CHCHD10: variants seen among roughly 807,000 people sequenced by gnomAD.
The protein encoded by CHCHD10 is coiled-coil-helix-coiled-coil-helix domain containing 10, also known as coiled-coil-helix-coiled-coil-helix domain-containing protein 10, mitochondrial.
A neutral mutation model predicts 14.8 loss-of-function variants in CHCHD10; 10 were observed. That is an observed-to-expected ratio of 0.67 (90% CI 0.42 to 1.14). CHCHD10 has a LOEUF of 1.14. Among genes scored for constraint, CHCHD10 ranks in the 50% most tolerant of loss-of-function variants. The probability of loss-of-function intolerance (pLI) is 0.00; values close to 1 mark genes in which losing one functional copy is unlikely to be tolerated. For synonymous variants in CHCHD10, 90 were observed against 85.2 expected (o/e 1.06, Z -0.31); for missense variants, 203 against 196.9 (o/e 1.03, Z -0.19).
rs918789560 is a variant in CHCHD10 at position 23,767,651 on chromosome 22, C to T, written c.42-58G>A. 59 of 883,798 alleles carry T rather than the reference C, an allele frequency of 6.7e-5. No individual in the cohort carries two copies. The African/African-American group carries it at 9.1e-4, about 14-fold the overall frequency. The allele number at this position is 883,798 out of a possible 1,614,324, so 54.7% of individuals were successfully genotyped here. The stretch of plus-strand genomic sequence containing the variant: ...GGCCAGACCCCAGGCTGGAGGGCTG[C>T]AGCTCCTGGAAACGACCCCCGGAGA... On this transcript the variant is annotated intron_variant, in intron 1 of 3. Coordinates refer to ENST00000484558, the MANE Select transcript of CHCHD10 (RefSeq NM_213720.3).
rs752472094 is a variant in CHCHD10, at chr22:23,767,526, C to A, written c.109G>T (p.Ala37Ser). 3.4e-6 allele frequency: 4 copies of A among 1,186,206 alleles called. No individual in the cohort carries two copies. The highest frequency in any genetic ancestry group is 1.3e-5 in the South Asian group (1 of 74,416). The allele number at this position is 1,186,206 out of a possible 1,614,324, so 73.5% of individuals were successfully genotyped here. A position where few individuals can be genotyped will look rare whatever the true frequency, so the allele number is the denominator to read the frequency against. The change falls in exon 2 of 4, where the codon GCC becomes TCC. Residue 37 changes from alanine to serine, a missense_variant. Physicochemically the swap from Ala to Ser is moderately conservative, Grantham distance 99. Transcript: ENST00000484558. ...ATGAGCCCCGGCTGGCCCGAAGGGG[C>A]GGGGGCTGGGGCGGCTGCCGAGGGC... ...PPPSAAAPAP[A>S]PSGQPGLMAQ...
In CHCHD10 at chr22:23,767,603, T is replaced by G. The variant is rs779478955; in HGVS notation, c.42-10A>C. On this transcript the variant is annotated splice_polypyrimidine_tract_variant and intron_variant, in intron 1 of 3. Transcript: ENST00000484558. Reference sequence around the variant, plus strand: ...GGGCGCGGCTGGGCGGCTGCGGGGGTGGGAGGAAGCAGGGTTAATCCTGGC... The same window carrying G: ...GGGCGCGGCTGGGCGGCTGCGGGGGGGGGAGGAAGCAGGGTTAATCCTGGC... 6 of 999,802 alleles carry G rather than the reference T, an allele frequency of 6.0e-6. No individual in the cohort carries two copies. Among genetic ancestry groups the G allele is most frequent in the African/African-American group, 1.7e-5 (1 of 57,594 alleles). The allele number at this position is 999,802 out of a possible 1,614,324, so 61.9% of individuals were successfully genotyped here.
At position 23,767,464 on chromosome 22, in the gene CHCHD10, C is replaced by T. The variant is rs780298646; in HGVS notation, c.171G>A (p.Val57=). ...CCATGACGTGTCCCACAGCCGAGCC[C>T]ACGGCTACCCCTGCGGCCGTGGTCG... ...QMATTAAGVA[V]GSAVGHVMGS... Residue 57 remains valine (V), a synonymous_variant, in exon 2 of 4, where the codon GTG becomes GTA. Coordinates refer to ENST00000484558, the MANE Select transcript of CHCHD10 (RefSeq NM_213720.3). The T allele has an allele frequency of 1.4e-4, 224 of 1,596,260 alleles. No homozygotes were observed. Among genetic ancestry groups the T allele is most frequent in the Non-Finnish European group, 1.8e-4 (215 of 1,173,234 alleles).
In CHCHD10 at chr22:23,765,935, G is replaced by C; in HGVS notation, c.*72C>G. 3 of 1,607,150 alleles carry C rather than the reference G, an allele frequency of 1.9e-6. No individual in the cohort carries two copies. The highest frequency in any genetic ancestry group is 2.6e-6 in the Non-Finnish European group (3 of 1,174,828). Reference sequence around the variant, plus strand: ...ATCCCAGCTATCTGGGTACAATCTGGTGTTGTGGTCTGGCTGTCGGCGAGG... The same window carrying C: ...ATCCCAGCTATCTGGGTACAATCTGCTGTTGTGGTCTGGCTGTCGGCGAGG... On this transcript the variant is annotated 3_prime_UTR_variant, in exon 4 of 4. Transcript: ENST00000484558.
In CHCHD10 at chr22:23,767,952, G is replaced by C. The variant is rs935893901; in HGVS notation, c.-78C>G. 5.6e-6 allele frequency: 7 copies of C among 1,252,336 alleles called. No homozygotes were observed. The African/African-American group carries it at 7.9e-5, about 14-fold the overall frequency. The allele number at this position is 1,252,336 out of a possible 1,614,324, so 77.6% of individuals were successfully genotyped here. On this transcript the variant is annotated 5_prime_UTR_variant, in exon 1 of 4. Coordinates refer to ENST00000484558, the MANE Select transcript of CHCHD10 (RefSeq NM_213720.3). ...CGCGGGGACAAATGCCGCAGCGCTT[G>C]TCACAGCCGGCGCAAAAAAGGCGGG...
In CHCHD10 at chr22:23,766,116, CCACT is replaced by C. The variant is rs1569149437; in HGVS notation, c.409+8_409+11del. ...TCCCCCTCCCCGCCTGAGTCGGGGT[CCACT>C]CACTCACCATGGTAGTACTTGCACT... is the stretch of plus-strand genomic sequence containing the variant. On this transcript the variant is annotated splice_region_variant and intron_variant, in intron 3 of 3. Transcript: ENST00000484558. 1 of 1,613,520 alleles carries C rather than the reference CCACT, an allele frequency of 6.2e-7. No individual in the cohort carries two copies. The highest frequency in any genetic ancestry group is 2.2e-5 in the East Asian group (1 of 44,848).
At position 23,767,275 on chromosome 22, in the gene CHCHD10, T is replaced by C. The variant is rs131443; in HGVS notation, c.261+99A>G. 479,283 of 1,000,944 alleles carry C rather than the reference T, an allele frequency of 0.48. 120,795 individuals are homozygous for C. The highest frequency in any genetic ancestry group is 0.54 in the Admixed American group (26,940 of 49,510). 62.0% of individuals were successfully genotyped at this position (1,000,944 alleles called of 1,614,324 possible). A position where few individuals can be genotyped will look rare whatever the true frequency, so the allele number is the denominator to read the frequency against. ...CGGGCAGAGTCCTGGGCTGAAGCAA[T>C]GGTGAATACACGCGGACACTCCTCA... On this transcript the variant is annotated intron_variant, in intron 2 of 3. Transcript: ENST00000484558.
rs1171881128 is a variant in CHCHD10 at position 23,765,968 on chromosome 22, G to C, written c.*39C>G. 4.3e-6 allele frequency: 7 copies of C among 1,612,930 alleles called. No homozygotes were observed. The highest frequency in any genetic ancestry group is 5.9e-6 in the Non-Finnish European group (7 of 1,179,760). ...GTCTGGCTGTCGGCGAGGGGTAGAG[G>C]TGGGTGCAGGACTGGCCCCCGAGTC... On this transcript the variant is annotated 3_prime_UTR_variant, in exon 4 of 4. Coordinates refer to ENST00000484558, the MANE Select transcript of CHCHD10 (RefSeq NM_213720.3).
chr22:23,765,863 A>G lies in CHCHD10; in HGVS notation c.*144T>C. On this transcript the variant is annotated 3_prime_UTR_variant, in exon 4 of 4. Coordinates refer to ENST00000484558, the MANE Select transcript of CHCHD10 (RefSeq NM_213720.3). ...GTCTAAAATAAACTTTTAATTGCAC[A>G]TTTGTGTCTTGGGTTATCTGTGGGG... is the stretch of plus-strand genomic sequence containing the variant. 1 of 1,541,708 alleles carries G rather than the reference A, an allele frequency of 6.5e-7. No homozygotes were observed. Among genetic ancestry groups the G allele is most frequent in the Non-Finnish European group, 8.8e-7 (1 of 1,130,416 alleles).
chr22:23,767,707 G>C, intron 1 of CHCHD10, 114 bp from the exon 2 acceptor site: 6 of 932,280 alleles, frequency 6.4e-6, no homozygotes, highest in Non-Finnish European at 9.6e-6. Context: ...ACACGTGGGT[G>C]CTGCACCCCC....
At chr22:23,767,277 G>T in intron 2 of CHCHD10, 97 bp downstream of exon 2, 1 of 1,034,858 alleles carries the variant, frequency 9.7e-7, no homozygotes, top group Non-Finnish European at 1.5e-6. Flanking sequence ...TGAAGCAATG[G>T]TGAATACACG....
Position 23,766,206 on chromosome 22 carries a change from C to T in CHCHD10, c.331G>A (p.Asp111Asn), listed in dbSNP as rs1198199679. ...AGGTCACTCTGAGTGGTGGAACAGT[C>T]CAGGAACTGCCTGATCTCGTAGGCG... ...PCAYEIRQFL[D>N]CSTTQSDLSL... The change falls in exon 3 of 4, where the codon GAC (aspartate) becomes AAC (asparagine). Residue 111 changes from aspartate (D) to asparagine (N), a missense_variant. Transcript: ENST00000484558. The T allele has an allele frequency of 6.2e-7, 1 of 1,609,544 alleles. No homozygotes were observed. Among genetic ancestry groups the T allele is most frequent in the Admixed American group, 1.7e-5 (1 of 59,478 alleles).
At position 23,767,910 on chromosome 22, in the gene CHCHD10, G is replaced by C; in HGVS notation, c.-36C>G. ...GTGGGACCCGGGCGACCTTAGAGAC[G>C]GCGGCAGCGGTGCTGTCGCGGGGAC... On this transcript the variant is annotated 5_prime_UTR_variant, in exon 1 of 4. Transcript: ENST00000484558. 1 of 1,463,958 alleles carries C rather than the reference G, an allele frequency of 6.8e-7. No homozygotes were observed. The highest frequency in any genetic ancestry group is 9.1e-7 in the Non-Finnish European group (1 of 1,104,316). 90.7% of individuals were successfully genotyped at this position (1,463,958 alleles called of 1,614,324 possible).
chr22:23,767,882 G>A lies in CHCHD10; in HGVS notation c.-8C>T. 2.6e-6 allele frequency: 4 copies of A among 1,509,810 alleles called. No homozygotes were observed. The highest frequency in any genetic ancestry group is 1.2e-5 in the South Asian group (1 of 80,602). The allele number at this position is 1,509,810 out of a possible 1,614,324, so 93.5% of individuals were successfully genotyped here. ...GCGGCTTCCCCGAGGCATGGTGGCG[G>A]CGGTGGGACCCGGGCGACCTTAGAG... On this transcript the variant is annotated 5_prime_UTR_variant, in exon 1 of 4. Transcript: ENST00000484558.
Position 23,765,986 on chromosome 22 carries a change from C to G in CHCHD10, c.*21G>C. On this transcript the variant is annotated 3_prime_UTR_variant, in exon 4 of 4. Transcript: ENST00000484558. ...GGTAGAGGTGGGTGCAGGACTGGCCCCCGAGTCTGCACCGACCTCTTCAGG... is the reference window on the plus strand; with the variant it reads ...GGTAGAGGTGGGTGCAGGACTGGCCGCCGAGTCTGCACCGACCTCTTCAGG... 6.2e-7 allele frequency: 1 copy of G among 1,613,200 alleles called. No homozygotes were observed. The highest frequency in any genetic ancestry group is 1.7e-4 in the Middle Eastern group (1 of 5,740).
chr22:23,766,984 C>A (rs1348816368), intron 2 of CHCHD10, among the ~76,000 whole-genome samples: 1 of 152,224 alleles, frequency 6.6e-6, no homozygotes, highest in Non-Finnish European at 1.5e-5. Context: ...GGAAGTGGCT[C>A]CCCTTCGCCC....
chr22:23,766,091 T>C (rs769839153), intron 3 of CHCHD10, 37 bp downstream of exon 3: 81 of 1,612,724 alleles, frequency 5.0e-5, no homozygotes, highest in Middle Eastern at 1.6e-4. Flanking sequence ...GGTTGGCCTC[T>C]CCCCCTCCCC....
chr22:23,767,532 C>T lies in CHCHD10; in HGVS notation c.103G>A (p.Ala35Thr), dbSNP rs762943183. Reference protein sequence around the residue: ...AHPPPSAAAPAPAPSGQPGLM... With the variant: ...AHPPPSAAAPTPAPSGQPGLM... The stretch of plus-strand genomic sequence containing the variant: ...CCCGGCTGGCCCGAAGGGGCGGGGG[C>T]TGGGGCGGCTGCCGAGGGCGGTGGG... The change falls in exon 2 of 4, where the codon GCC becomes ACC. Residue 35 changes from alanine to threonine, a missense_variant. Transcript: ENST00000484558. 20 of 1,369,336 alleles carry T rather than the reference C, an allele frequency of 1.5e-5. No individual in the cohort carries two copies. The highest frequency in any genetic ancestry group is 1.8e-5 in the Non-Finnish European group (19 of 1,053,948). The allele number at this position is 1,369,336 out of a possible 1,614,324, so 84.8% of individuals were successfully genotyped here.
At position 23,767,494 on chromosome 22, in the gene CHCHD10, C is replaced by G; in HGVS notation, c.141G>C (p.Gln47His). ...CTACCCCTGCGGCCGTGGTCGCCATCTGAGCCATGAGCCCCGGCTGGCCCG... is the reference window on the plus strand; with the variant it reads ...CTACCCCTGCGGCCGTGGTCGCCATGTGAGCCATGAGCCCCGGCTGGCCCG... Reference protein sequence around the residue: ...APSGQPGLMAQMATTAAGVAV... With the variant: ...APSGQPGLMAHMATTAAGVAV... The change falls in exon 2 of 4, where the codon CAG becomes CAC. Residue 47 changes from glutamine (Q) to histidine (H), a missense_variant. By Grantham distance (24) the Gln-to-His change is conservative. Transcript: ENST00000484558. The G allele has an allele frequency of 2.6e-6, 4 of 1,567,748 alleles. No homozygotes were observed. Among genetic ancestry groups the G allele is most frequent in the Non-Finnish European group, 3.5e-6 (4 of 1,158,928 alleles).
Sources: allele counts gnomAD v4.1 joint callset (sites outside exome capture counted in the v4.1 genomes callset), GRCh38; gene constraint gnomAD v4.1.1; transcripts MANE v1.5; gene names NCBI Gene and HGNC (gene_info 2026-07-23, HGNC 2026-07-21).